SYTL3: variants seen among roughly 807,000 people sequenced by gnomAD.
The protein encoded by SYTL3 is synaptotagmin like 3, also known as synaptotagmin-like protein 3.
In SYTL3, 88 loss-of-function variants were observed where a neutral mutation model predicts 82.1. The observed-to-expected ratio is 1.07, with a 90% CI of 0.90 to 1.28. The LOEUF is 1.28. SYTL3 is among the 50% of genes most tolerant of loss of function. SYTL3 has a pLI of 0.00. For synonymous variants in SYTL3, 311 were observed against 289.4 expected, an observed-to-expected ratio of 1.07 and a Z score of -0.76; for missense variants, 831 against 757.6, an observed-to-expected ratio of 1.10 and a Z score of -1.14.
intron 2 of SYTL3, among the ~76,000 whole-genome samples, chr6:158,654,464 T>A (rs1788430096): frequency 6.6e-6 from 1 of 152,182 alleles, no homozygotes; most frequent in Admixed American, 6.5e-5. Flanking sequence ...TAAAGACCAA[T>A]GGAAACACCT....
At chr6:158,727,451 A>G (rs1366532044) in intron 11 of SYTL3, among the ~76,000 whole-genome samples, 1 of 152,088 alleles carries the variant, frequency 6.6e-6, no homozygotes, top group Non-Finnish European at 1.5e-5. Context: ...GATTACAGGC[A>G]TGAGCCACCG....
At chr6:158,701,055 T>C (rs1477601533) in intron 6 of SYTL3, among the ~76,000 whole-genome samples, 1 of 152,294 alleles carries the variant, frequency 6.6e-6, no homozygotes, top group African/African-American at 2.4e-5. Flanking sequence ...CAGAGGAGTT[T>C]TAGTGCAGGC....
In SYTL3 at chr6:158,745,501, A is replaced by G. The variant is rs1388637673; in HGVS notation, c.877A>G (p.Ser293Gly). 4 of 1,610,680 alleles carry G rather than the reference A, an allele frequency of 2.5e-6. No individual in the cohort carries two copies. Among genetic ancestry groups the G allele is most frequent in the South Asian group, 1.1e-5 (1 of 90,108 alleles). ...TCAGGGAAGTTTAATTAGCATTGAC[A>G]GCACCTGTACAGAGATGGGCAATTT... ...FRHGSLISID[S>G]TCTEMGNFDN... is the part of the protein sequence containing the mutation. Residue 293 changes from serine to glycine, a missense_variant, in exon 12 of 18, where the codon AGC becomes GGC. Transcript: ENST00000611299.
intron 6 of SYTL3, among the ~76,000 whole-genome samples, chr6:158,700,969 G>C (rs1243997179): frequency 6.6e-6 from 1 of 152,206 alleles, no homozygotes; most frequent in Non-Finnish European, 1.5e-5. Flanking sequence ...CTGGGTACCA[G>C]GGACAGCGAG....
At chr6:158,662,634 C>T (rs1789515717) in intron 3 of SYTL3, 116 bp from the exon 4 acceptor site, 1 of 152,148 alleles carries the variant, frequency 6.6e-6, no homozygotes, top group Non-Finnish European at 1.5e-5. Flanking sequence ...TTTACATTAT[C>T]ACCGCGAGCA....
rs534215114 is a variant in SYTL3 at position 158,697,453 on chromosome 6, CAG to C, written c.395-9776_395-9775del. 2.9e-4 allele frequency among the ~76,000 whole-genome samples: 44 copies of C among 151,942 alleles called. No individual in the cohort carries two copies. The East Asian group carries it at 7.2e-3, about 25-fold the overall frequency. ...CCCTGTCTCAAATCAGTCAATCAATCAGGGGGAAAGATTCACGACATTGGATC... is the reference window on the plus strand; with the variant it reads ...CCCTGTCTCAAATCAGTCAATCAATCGGGGAAAGATTCACGACATTGGATC... On this transcript the variant is annotated intron_variant, in intron 6 of 17. Coordinates refer to ENST00000611299, the MANE Select transcript of SYTL3 (RefSeq NM_001242394.2).
chr6:158,718,034 G>C, intron 9 of SYTL3, 53 bp from the exon 10 acceptor site: 1 of 1,448,330 alleles, frequency 6.9e-7, no homozygotes, highest in African/African-American at 1.4e-5. Flanking sequence ...GCTCCCACAA[G>C]TCTCAGCAAA....
At chr6:158,741,527 G>T (rs1173771477) in intron 11 of SYTL3, among the ~76,000 whole-genome samples, 4 of 152,160 alleles carry the variant, frequency 2.6e-5, no homozygotes, top group Admixed American at 1.3e-4. Flanking sequence ...TAATGGTTTC[G>T]CTGGGATTCA....
At chr6:158,649,149 T>G (rs1787717769), upstream of SYTL3, among the ~76,000 whole-genome samples, 1 of 152,206 alleles carries the variant, frequency 6.6e-6, no homozygotes, top group Non-Finnish European at 1.5e-5. Context: ...CATGCTATAG[T>G]AGTTATTAAA....
At chr6:158,720,518 A>G (rs1004703170) in intron 10 of SYTL3, among the ~76,000 whole-genome samples, 3 of 151,956 alleles carry the variant, frequency 2.0e-5, no homozygotes, top group African/African-American at 7.3e-5. Flanking sequence ...TTGACTCTGA[A>G]TTCTAAACTC....
At chr6:158,704,015 C>G (rs773105991) in intron 6 of SYTL3, among the ~76,000 whole-genome samples, 1 of 151,574 alleles carries the variant, frequency 6.6e-6, no homozygotes, top group African/African-American at 2.4e-5. Flanking sequence ...TTAGTAGAGA[C>G]GAGGTTTCAT....
chr6:158,649,149 T>C (rs1787717769), upstream of SYTL3, among the ~76,000 whole-genome samples: 1 of 152,206 alleles, frequency 6.6e-6, no homozygotes, highest in Non-Finnish European at 1.5e-5. Flanking sequence ...CATGCTATAG[T>C]AGTTATTAAA....
chr6:158,648,029 C>A (rs186451690), upstream of SYTL3, among the ~76,000 whole-genome samples: 14 of 152,214 alleles, frequency 9.2e-5, no homozygotes, highest in Middle Eastern at 3.2e-3. Context: ...CGCAGTGGCT[C>A]ACACCTGTAA....
intron 6 of SYTL3, among the ~76,000 whole-genome samples, chr6:158,693,855 C>CTTTTTTTTTTTTTTTTTTTT (rs575358067): frequency 5.2e-5 from 5 of 96,866 alleles, no homozygotes; most frequent in African/African-American, 2.7e-4. Context: ...TTTTTCTTTT[C>CTTTTTTTTTTTTTTTTTTTT]TTTTTTTTTT....
At chr6:158,649,805 C>T (rs1787772090), upstream of SYTL3, among the ~76,000 whole-genome samples, 1 of 152,148 alleles carries the variant, frequency 6.6e-6, no homozygotes. Context: ...TGAAACATTT[C>T]ACCAGCATCA....
chr6:158,689,340 GT>G (rs1242336538), intron 6 of SYTL3, among the ~76,000 whole-genome samples: 1 of 152,004 alleles, frequency 6.6e-6, no homozygotes, highest in Non-Finnish European at 1.5e-5. Context: ...ATGCAAAATG[GT>G]TTTCTCATCG....
At chr6:158,737,794 T>G (rs1786399966) in intron 11 of SYTL3, among the ~76,000 whole-genome samples, 1 of 152,224 alleles carries the variant, frequency 6.6e-6, no homozygotes, top group Admixed American at 6.5e-5. Context: ...ATGGACGTGC[T>G]CTGCTCTCCT....
chr6:158,694,322 G>A (rs1198663296), intron 6 of SYTL3, among the ~76,000 whole-genome samples: 2 of 150,868 alleles, frequency 1.3e-5, no homozygotes, highest in East Asian at 1.9e-4. Context: ...TTGAGATGAA[G>A]TTTCTCTCTG....
At chr6:158,693,973 G>GTC in intron 6 of SYTL3, among the ~76,000 whole-genome samples, 1 of 151,134 alleles carries the variant, frequency 6.6e-6, no homozygotes, top group South Asian at 2.1e-4. Flanking sequence ...GACTGTAGGC[G>GTC]TAAGCCACTG....
Sources: allele counts gnomAD v4.1 joint callset (sites outside exome capture counted in the v4.1 genomes callset), GRCh38; gene constraint gnomAD v4.1.1; transcripts MANE v1.5; gene names NCBI Gene and HGNC (gene_info 2026-07-23, HGNC 2026-07-21).